Variants in CFAP20DC observed in about 807,000 individuals in gnomAD.
CFAP20DC encodes the protein protein CFAP20DC.
In CFAP20DC, 84 loss-of-function variants were observed where a neutral mutation model predicts 101.7. The ratio of observed to expected loss-of-function variants is 0.83; its 90% CI spans 0.69 to 0.99. The LOEUF is 0.99. CFAP20DC is among the 50% of genes least tolerant of loss of function. CFAP20DC has a pLI of 0.00. For synonymous variants in CFAP20DC, 359 were observed against 351.2 expected (o/e 1.02, Z -0.25); for missense variants, 1,007 against 970.3 (o/e 1.04, Z -0.50).
intron 3 of CFAP20DC, among the ~76,000 whole-genome samples, chr3:59,041,092 A>C (rs1282255876): frequency 6.6e-6 from 1 of 152,122 alleles, no homozygotes; most frequent in Non-Finnish European, 1.5e-5. Flanking sequence ...TCTCTCTTGC[A>C]TCTTGCATTG....
At chr3:58,832,433 T>A (rs751558251) in intron 13 of CFAP20DC, among the ~76,000 whole-genome samples, 1 of 152,142 alleles carries the variant, frequency 6.6e-6, no homozygotes, top group East Asian at 1.9e-4. Flanking sequence ...CCAGTTTTTG[T>A]AGATTAAGTA....
At chr3:59,024,214 T>A (rs1353541717) in intron 4 of CFAP20DC, among the ~76,000 whole-genome samples, 3 of 152,170 alleles carry the variant, frequency 2.0e-5, no homozygotes, top group African/African-American at 7.2e-5. Flanking sequence ...TGCAAAGAAT[T>A]AGAAAACTAC....
At position 58,867,471 on chromosome 3, in the gene CFAP20DC, T is replaced by TA. The variant is rs560271245; in HGVS notation, c.1135+345dup. On this transcript the variant is annotated intron_variant, in intron 10 of 16. Coordinates refer to ENST00000482387, the MANE Select transcript of CFAP20DC (RefSeq NM_001394063.1). ...AATTTAAAAAGACACAAATGAAACA[T>TA]AAAAATTACAATAAAGTTCCATTTT... Among the ~76,000 whole-genome samples the TA allele has an allele frequency of 1.9e-3, 294 of 152,230 alleles. 2 individuals are homozygous for TA. Among genetic ancestry groups the TA allele is most frequent in the African/African-American group, 6.9e-3 (287 of 41,558 alleles).
intron 15 of CFAP20DC, among the ~76,000 whole-genome samples, chr3:58,780,199 C>T (rs1017854287): frequency 6.6e-6 from 1 of 151,934 alleles, no homozygotes; most frequent in Non-Finnish European, 1.5e-5. Context: ...CTAGACCAGC[C>T]CTACAAGCAA....
At chr3:58,845,981 T>C (rs1409579978) in intron 13 of CFAP20DC, among the ~76,000 whole-genome samples, 2 of 151,254 alleles carry the variant, frequency 1.3e-5, no homozygotes, top group African/African-American at 2.4e-5. Flanking sequence ...TGCTAAAAAC[T>C]CTCAATAAAT....
intron 14 of CFAP20DC, among the ~76,000 whole-genome samples, chr3:58,812,311 T>A (rs1281848373): frequency 3.3e-5 from 5 of 152,096 alleles, no homozygotes; most frequent in African/African-American, 9.7e-5. Context: ...AACCCAAATG[T>A]CCAACAATGA....
intron 4 of CFAP20DC, among the ~76,000 whole-genome samples, chr3:58,955,161 G>C (rs1255889825): frequency 6.6e-6 from 1 of 151,896 alleles, no homozygotes; most frequent in Non-Finnish European, 1.5e-5. Context: ...GACCAAGAAG[G>C]GCAGAACAAA....
At chr3:58,726,899 G>A (rs543170780) in intron 3 of CFAP20DC, 28 of 159,226 alleles carry the variant, frequency 1.8e-4, no homozygotes, top group South Asian at 4.4e-4. Flanking sequence ...ACTTCCACTC[G>A]CGCCATCAGA....
intron 14 of CFAP20DC, among the ~76,000 whole-genome samples, chr3:58,815,622 T>G (rs1159199017): frequency 1.3e-5 from 2 of 151,484 alleles, no homozygotes; most frequent in African/African-American, 2.4e-5. Flanking sequence ...GACAAAGGGC[T>G]AATATCCAGA....
intron 4 of CFAP20DC, among the ~76,000 whole-genome samples, chr3:58,945,729 G>T (rs569683791): frequency 6.9e-6 from 1 of 145,500 alleles, no homozygotes; most frequent in Non-Finnish European, 1.5e-5. Flanking sequence ...ACGGAGTCTC[G>T]TTCTGTCACT....
At chr3:58,763,554 C>T (rs1045711739) in intron 15 of CFAP20DC, among the ~76,000 whole-genome samples, 6 of 152,222 alleles carry the variant, frequency 3.9e-5, no homozygotes, top group South Asian at 4.1e-4. Flanking sequence ...AGTCATTCTC[C>T]GTCCAGCTTT....
chr3:58,991,206 A>G (rs2092926114), intron 4 of CFAP20DC, among the ~76,000 whole-genome samples: 1 of 152,194 alleles, frequency 6.6e-6, no homozygotes, highest in African/African-American at 2.4e-5. Context: ...ATAAATTCCA[A>G]TTGTGGTCCA....
chr3:58,737,232 A>C, downstream of CFAP20DC: 2 of 456,496 alleles, frequency 4.4e-6, no homozygotes, highest in Non-Finnish European at 8.8e-6. This position sits in a 1 kb window ranked among gnomAD's most constrained non-coding sequence, Gnocchi z 4.1. Context: ...TATCTGGGCA[A>C]AGCAAAAAAC....
chr3:58,948,326 A>AT (rs1473346421), intron 4 of CFAP20DC, among the ~76,000 whole-genome samples: 3 of 152,342 alleles, frequency 2.0e-5, no homozygotes, highest in Middle Eastern at 3.4e-3. Context: ...GTTTGAGTTG[A>AT]AATGCCAGCT....
intron 12 of CFAP20DC, among the ~76,000 whole-genome samples, chr3:58,852,822 T>G (rs867920339): frequency 3.3e-5 from 5 of 150,442 alleles, no homozygotes; most frequent in African/African-American, 1.2e-4. Flanking sequence ...ATCTCTGGGA[T>G]GCATTCAAAG....
intron 4 of CFAP20DC, among the ~76,000 whole-genome samples, chr3:59,031,572 A>C (rs1156271390): frequency 1.3e-5 from 2 of 152,170 alleles, no homozygotes; most frequent in East Asian, 3.9e-4. Context: ...TTACTCTAAG[A>C]GCTATTTTAA....
intron 3 of CFAP20DC, among the ~76,000 whole-genome samples, chr3:58,736,703 C>T (rs970306810): frequency 6.6e-6 from 1 of 152,202 alleles, no homozygotes; most frequent in Non-Finnish European, 1.5e-5. Flanking sequence ...CCATTAGGAG[C>T]AAGTTTATAT....
At position 58,964,148 on chromosome 3, in the gene CFAP20DC, C is replaced by A. The variant is rs1409204178; in HGVS notation, c.279-26386G>T. Among the ~76,000 whole-genome samples the A allele has an allele frequency of 1.3e-5, 2 of 152,224 alleles. No homozygotes were observed. Among genetic ancestry groups the A allele is most frequent in the Admixed American group, 1.3e-4 (2 of 15,278 alleles). ...CAGCTGCAGCTTGCCAACCACCAGA[C>A]ACTTTCTGAGTTCCTTATTCCAGAT... is the stretch of plus-strand genomic sequence containing the variant. On this transcript the variant is annotated intron_variant, in intron 4 of 16. Coordinates refer to ENST00000482387, the MANE Select transcript of CFAP20DC (RefSeq NM_001394063.1). The surrounding 1 kb of genome is among the most constrained non-coding windows in gnomAD (Gnocchi z 4.1).
intron 12 of CFAP20DC, among the ~76,000 whole-genome samples, chr3:58,853,991 G>A (rs902819217): frequency 6.6e-6 from 1 of 151,720 alleles, no homozygotes; most frequent in Non-Finnish European, 1.5e-5. Flanking sequence ...CCAGGGCAAT[G>A]AGGCAGGAGA....
Sources: allele counts gnomAD v4.1 joint callset (sites outside exome capture counted in the v4.1 genomes callset), GRCh38; gene constraint gnomAD v4.1.1; non-coding constraint Gnocchi (gnomAD v3.1); transcripts MANE v1.5; gene names NCBI Gene and HGNC (gene_info 2026-07-23, HGNC 2026-07-21).